PTPN12: variants seen among roughly 807,000 people sequenced by gnomAD.
PTPN12 encodes the protein tyrosine-protein phosphatase non-receptor type 12.
Under a neutral mutation model 97.6 loss-of-function variants are expected in PTPN12, and 29 were observed. The ratio of observed to expected loss-of-function variants is 0.30; its 90% confidence interval spans 0.22 to 0.41. The LOEUF (loss-of-function observed/expected upper bound fraction) is 0.41. Ranked by LOEUF, PTPN12 falls within the 10% of genes least tolerant of loss-of-function variation. PTPN12 has a pLI of 1.00. For missense variants in PTPN12, 819 were observed against 926.0 expected, an observed-to-expected ratio of 0.88 and a Z score of 1.50; for synonymous variants, 327 against 300.4, an observed-to-expected ratio of 1.09 and a Z score of -0.91.
chr7:77,609,973 A>G (rs1269493392), intron 9 of PTPN12, among the ~76,000 whole-genome samples: 1 of 151,912 alleles, frequency 6.6e-6, no homozygotes, highest in Non-Finnish European at 1.5e-5. Context: ...TAACCCTTCC[A>G]TCTTAATCAC....
chr7:77,601,772 G>A (rs1175317359), intron 8 of PTPN12, among the ~76,000 whole-genome samples: 2 of 152,072 alleles, frequency 1.3e-5, no homozygotes, highest in African/African-American at 2.4e-5. Flanking sequence ...CAGTTTCCAC[G>A]TTTGCACCAC....
chr7:77,549,426 C>T (rs1807373429), intron 1 of PTPN12, among the ~76,000 whole-genome samples: 1 of 152,190 alleles, frequency 6.6e-6, no homozygotes, highest in South Asian at 2.1e-4. Flanking sequence ...AAACATCAGG[C>T]AAAATTTTAA....
At chr7:77,632,870 T>C (rs868440548) in intron 14 of PTPN12, among the ~76,000 whole-genome samples, 7 of 152,124 alleles carry the variant, frequency 4.6e-5, no homozygotes, top group African/African-American at 7.2e-5. Context: ...GGCAGGAAAA[T>C]GACTTGAACC....
chr7:77,564,820 C>G (rs565934929), intron 1 of PTPN12, among the ~76,000 whole-genome samples: 1 of 120,374 alleles, frequency 8.3e-6, no homozygotes, highest in Admixed American at 1.1e-4. Flanking sequence ...TGCAGTGGCA[C>G]GATCTCAGCT....
In PTPN12 at chr7:77,626,787, C is replaced by A. The variant is rs776905930; in HGVS notation, c.1108C>A (p.Pro370Thr). ...AGTGCCACCCATCTTGACACCTTCT[C>A]CCCCTTCAGCTTTTCCAACAGTCAC... ...HPVPPILTPSPPSAFPTVTTV... is the reference protein window; with the variant it reads ...HPVPPILTPSTPSAFPTVTTV... The change falls in exon 13 of 18, where the codon CCC becomes ACC. Residue 370 changes from proline to threonine, a missense_variant. Physicochemically the swap from Pro to Thr is conservative, Grantham distance 38 (BLOSUM62 -1). Transcript: ENST00000248594. 3.1e-6 allele frequency: 5 copies of A among 1,613,838 alleles called. No homozygotes were observed. Among genetic ancestry groups the A allele is most frequent in the African/African-American group, 2.7e-5 (2 of 74,908 alleles).
intron 11 of PTPN12, among the ~76,000 whole-genome samples, chr7:77,617,670 C>T (rs1431880698): frequency 6.6e-6 from 1 of 152,180 alleles, no homozygotes; most frequent in Non-Finnish European, 1.5e-5. Flanking sequence ...TCATTCCTCT[C>T]TTCTGGACAT....
intron 9 of PTPN12, 137 bp from the exon 10 acceptor site, chr7:77,610,628 T>G (rs968175203): frequency 4.4e-5 from 39 of 879,440 alleles, no homozygotes; most frequent in Non-Finnish European, 6.6e-5. Context: ...GCACAGTGTC[T>G]GAGATGCATT....
At chr7:77,579,239 A>T (rs903060429) in intron 2 of PTPN12, among the ~76,000 whole-genome samples, 4 of 152,140 alleles carry the variant, frequency 2.6e-5, no homozygotes, top group African/African-American at 9.7e-5. Flanking sequence ...CTCCTGCCTC[A>T]GCCTCCCGAG....
rs1562715100 is a variant in PTPN12 at position 77,564,749 on chromosome 7, T to TTTTTTTG, written c.100-6323_100-6322insGTTTTTT. ...TGTTGTTGTTTTTTGTTGTCGTGTT[T>TTTTTTTG]TTTTTTTTTTTTTTTTTTTTTTTTT... On this transcript the variant is annotated intron_variant, in intron 1 of 17. Transcript: ENST00000248594. 5.9e-5 allele frequency among the ~76,000 whole-genome samples: 4 copies of TTTTTTTG among 67,308 alleles called. No homozygotes were observed. In the East Asian group the frequency reaches 1.9e-3, roughly 32 times the overall value. 44.2% of individuals were successfully genotyped at this position (67,308 alleles called of 152,430 possible).
chr7:77,638,310 A>G (rs1789679108), intron 16 of PTPN12, among the ~76,000 whole-genome samples: 1 of 152,086 alleles, frequency 6.6e-6, no homozygotes, highest in African/African-American at 2.4e-5. Context: ...ATTCCCTTAG[A>G]ACATAGGCAT....
intron 1 of PTPN12, among the ~76,000 whole-genome samples, chr7:77,563,023 T>G (rs1484212177): frequency 1.3e-5 from 2 of 151,778 alleles, no homozygotes; most frequent in Non-Finnish European, 2.9e-5. Context: ...TGATTTGCCA[T>G]ATTTATTATT....
At chr7:77,537,785 T>G (rs1319603745) in intron 1 of PTPN12, 140 bp downstream of exon 1, 3 of 977,270 alleles carry the variant, frequency 3.1e-6, no homozygotes, top group East Asian at 3.4e-5. Flanking sequence ...GTGAGCCGGG[T>G]GGTCTCGGAG....
In PTPN12 at chr7:77,637,039, G is replaced by T; in HGVS notation, c.2164G>T (p.Glu722Ter). ...KSEGLITSEN[E>*]KCDHPAGGIH... The stretch of plus-strand genomic sequence containing the variant: ...GTAGGGCTTGATAACCTCTGAAAAT[G>T]AGAAATGTGGTAAGTTGTTAGATTT... The change falls in exon 16 of 18, where the codon GAG (glutamate) becomes TAG (stop). Residue 722 changes from glutamate to a stop codon, truncating the protein, a stop_gained. Transcript: ENST00000248594. LOFTEE classifies it high-confidence loss of function. The T allele has an allele frequency of 6.2e-7, 1 of 1,607,094 alleles. No individual in the cohort carries two copies. Among genetic ancestry groups the T allele is most frequent in the South Asian group, 1.1e-5 (1 of 90,460 alleles).
intron 1 of PTPN12, among the ~76,000 whole-genome samples, chr7:77,551,487 G>A (rs1807477163): frequency 6.6e-6 from 1 of 152,170 alleles, no homozygotes; most frequent in South Asian, 2.1e-4. Context: ...GATGTCTGTG[G>A]TGTTGGCTAT....
At chr7:77,539,261 A>G (rs1419273021) in intron 1 of PTPN12, among the ~76,000 whole-genome samples, 1 of 152,208 alleles carries the variant, frequency 6.6e-6, no homozygotes, top group Non-Finnish European at 1.5e-5. Context: ...CCAGACCAAT[A>G]ATAGAGGACG....
chr7:77,627,221 C>A lies in PTPN12; in HGVS notation c.1542C>A (p.Ser514=), dbSNP rs776910954. The A allele has an allele frequency of 2.0e-4, 318 of 1,613,904 alleles. No individual in the cohort carries two copies. The highest frequency in any genetic ancestry group is 1.8e-4 in the Non-Finnish European group (216 of 1,179,980). The change falls in exon 13 of 18, where the codon TCC becomes TCA. Residue 514 remains serine (S), a synonymous_variant. Coordinates refer to ENST00000248594, the MANE Select transcript of PTPN12 (RefSeq NM_002835.4). ...TTTCAGTTACTCCACCAGAAGAATC[C>A]CAGAATTCAGACACACCTCCAAGGC... ...NKVSVTPPEE[S]QNSDTPPRPD...
chr7:77,564,746 GTTT>G lies in PTPN12; in HGVS notation c.100-6304_100-6302del, dbSNP rs764476553. Reference sequence around the variant, plus strand: ...TTTTGTTGTTGTTTTTTGTTGTCGTGTTTTTTTTTTTTTTTTTTTTTTTTTTTT... The same window carrying G: ...TTTTGTTGTTGTTTTTTGTTGTCGTGTTTTTTTTTTTTTTTTTTTTTTTTT... On this transcript the variant is annotated intron_variant, in intron 1 of 17. Transcript: ENST00000248594. Among the ~76,000 whole-genome samples the G allele has an allele frequency of 4.0e-3, 180 of 45,406 alleles. 5 individuals are homozygous for G. Among genetic ancestry groups the G allele is most frequent in the African/African-American group, 0.015 (167 of 11,172 alleles). 29.8% of individuals were successfully genotyped at this position (45,406 alleles called of 152,430 possible). A position where few individuals can be genotyped will look rare whatever the true frequency, so the allele number is the denominator to read the frequency against.
intron 1 of PTPN12, among the ~76,000 whole-genome samples, chr7:77,565,472 G>T (rs1016042140): frequency 6.6e-6 from 1 of 152,188 alleles, no homozygotes; most frequent in Non-Finnish European, 1.5e-5. Context: ...TTTTTGGCTT[G>T]AACTGCTGTT....
rs11341609 is a variant in PTPN12 at position 77,582,084 on chromosome 7, C to CTT, written c.285+608_285+609dup. On this transcript the variant is annotated intron_variant, in intron 3 of 17. Transcript: ENST00000248594. ...CCCTTTGATGAAAAGCAGTCAAGTT[C>CTT]TTTTTTTTTTTTTTTTTTTTTTTTT... is the stretch of plus-strand genomic sequence containing the variant. Among the ~76,000 whole-genome samples the CTT allele has an allele frequency of 5.1e-3, 271 of 52,856 alleles. 60 individuals carry two copies. The highest frequency in any genetic ancestry group is 0.018 in the African/African-American group (240 of 13,162). The allele number at this position is 52,856 out of a possible 152,430, so 34.7% of individuals were successfully genotyped here.
Sources: gnomAD v4.1 joint callset for allele counts (sites outside exome capture counted in the v4.1 genomes callset) on GRCh38, gnomAD v4.1.1 for gene constraint, MANE v1.5 for transcripts, NCBI Gene and HGNC (gene_info 2026-07-23, HGNC 2026-07-21) for gene names.